Variants in SLCO3A1 observed in about 807,000 individuals in gnomAD.
SLCO3A1 encodes PGE1 transporter.
SLCO3A1 carries 27 observed loss-of-function variants against 63.1 expected under a neutral mutation model. That is an observed-to-expected ratio of 0.43 (90% CI 0.32 to 0.59). The LOEUF (loss-of-function observed/expected upper bound fraction) is 0.59, where lower values mean the gene tolerates loss of function less well. Ranked by LOEUF, SLCO3A1 falls within the 20% of genes least tolerant of loss-of-function variation. SLCO3A1 has a pLI of 0.09. For synonymous variants in SLCO3A1, 473 were observed against 409.9 expected (o/e 1.15, Z -1.86); for missense variants, 773 against 945.8 (o/e 0.82, Z 2.40).
Position 91,916,470 on chromosome 15 carries a change from C to T in SLCO3A1, c.646+12C>T, listed in dbSNP as rs761835511. 1.3e-6 allele frequency: 2 copies of T among 1,572,916 alleles called. No individual in the cohort carries two copies. Among genetic ancestry groups the T allele is most frequent in the Non-Finnish European group, 1.7e-6 (2 of 1,157,996 alleles). On this transcript the variant is annotated intron_variant, in intron 2 of 9. Transcript: ENST00000318445. The surrounding 1 kb of genome is among the most constrained non-coding windows in gnomAD (Gnocchi z 6.2). ...CTCGCTCTATATAGGTAGGAGCTGCCCCAGCCGTATTAGCAAGAGACCAGG... is the reference window on the plus strand; with the variant it reads ...CTCGCTCTATATAGGTAGGAGCTGCTCCAGCCGTATTAGCAAGAGACCAGG...
intron 2 of SLCO3A1, among the ~76,000 whole-genome samples, chr15:91,920,954 C>T (rs543939175): frequency 6.6e-6 from 1 of 152,238 alleles, no homozygotes; most frequent in East Asian, 1.9e-4. Flanking sequence ...AAGAGGGATG[C>T]CAAGGGCTGG....
At chr15:91,873,375 C>G (rs1316230957) in intron 1 of SLCO3A1, among the ~76,000 whole-genome samples, 2 of 152,132 alleles carry the variant, frequency 1.3e-5, no homozygotes, top group Non-Finnish European at 2.9e-5. Flanking sequence ...CCTGGGACAT[C>G]TGTGGGGCAA....
intron 2 of SLCO3A1, among the ~76,000 whole-genome samples, chr15:92,051,327 C>G (rs28631943): frequency 0.052 from 7,969 of 152,080 alleles, 551 homozygotes; most frequent in African/African-American, 0.16. Flanking sequence ...ATGTGTCACC[C>G]TTAGGGAACA....
intron 2 of SLCO3A1, among the ~76,000 whole-genome samples, chr15:92,059,836 T>C (rs1265235036): frequency 1.3e-5 from 2 of 152,232 alleles, no homozygotes; most frequent in African/African-American, 4.8e-5. Context: ...GGCTTAATGA[T>C]GAAGACACTT....
intron 1 of SLCO3A1, among the ~76,000 whole-genome samples, chr15:91,910,630 G>A (rs1361929798): frequency 1.3e-5 from 2 of 152,204 alleles, no homozygotes; most frequent in Non-Finnish European, 2.9e-5. Flanking sequence ...AGATTGACTT[G>A]ACCAAATGCT....
intron 7 of SLCO3A1, among the ~76,000 whole-genome samples, chr15:92,140,623 T>A (rs1459677797): frequency 6.6e-6 from 1 of 152,192 alleles, no homozygotes; most frequent in Non-Finnish European, 1.5e-5. Context: ...TAATTCTCTT[T>A]GTAGGTCACT....
intron 2 of SLCO3A1, among the ~76,000 whole-genome samples, chr15:92,030,578 T>A (rs918337677): frequency 1.3e-5 from 2 of 152,210 alleles, no homozygotes; most frequent in African/African-American, 4.8e-5. Flanking sequence ...TCCAGCTCAC[T>A]GAAGGGATAA....
chr15:91,871,765 GTT>G (rs33938693), intron 1 of SLCO3A1, among the ~76,000 whole-genome samples: 934 of 45,656 alleles, frequency 0.02, 24 homozygotes, highest in African/African-American at 0.08. Flanking sequence ...TTTTTTTTTG[GTT>G]TTTTTTTTTT....
At chr15:91,970,249 T>G (rs1222979161) in intron 2 of SLCO3A1, among the ~76,000 whole-genome samples, 1 of 152,188 alleles carries the variant, frequency 6.6e-6, no homozygotes, top group Non-Finnish European at 1.5e-5. Context: ...GTGTATTATT[T>G]AAAATCTGGC....
rs188508629 is a variant in SLCO3A1, at chr15:92,097,717, G to A, written c.745+2738G>A. Among the ~76,000 whole-genome samples, 30 of 152,208 alleles carry A rather than the reference G, an allele frequency of 2.0e-4. No homozygotes were observed. The East Asian group carries it at 4.2e-3, about 22-fold the overall frequency. Reference sequence around the variant, plus strand: ...ATTGTCAGTCACGGTCTTTGTTTGCGTCCTTCCCGGAGGCACCGTGAGGCA... The same window carrying A: ...ATTGTCAGTCACGGTCTTTGTTTGCATCCTTCCCGGAGGCACCGTGAGGCA... On this transcript the variant is annotated intron_variant, in intron 3 of 9. Coordinates refer to ENST00000318445, the MANE Select transcript of SLCO3A1 (RefSeq NM_013272.4).
At chr15:91,983,837 G>A (rs957165698) in intron 2 of SLCO3A1, among the ~76,000 whole-genome samples, 2 of 152,196 alleles carry the variant, frequency 1.3e-5, no homozygotes. Context: ...TCTAAGTCCA[G>A]TTAGAAGATA....
In SLCO3A1 at chr15:91,941,238, TCTC is replaced by T. The variant is rs1463019399; in HGVS notation, c.646+24783_646+24785del. 5.1e-6 allele frequency: 1 copy of T among 195,674 alleles called. No individual in the cohort carries two copies. Among genetic ancestry groups the T allele is most frequent in the Non-Finnish European group, 1.1e-5 (1 of 93,842 alleles). 12.1% of individuals were successfully genotyped at this position (195,674 alleles called of 1,614,324 possible). On this transcript the variant is annotated intron_variant, in intron 2 of 9. Coordinates refer to ENST00000318445, the MANE Select transcript of SLCO3A1 (RefSeq NM_013272.4). The surrounding 1 kb of genome is among the most constrained non-coding windows in gnomAD (Gnocchi z 4.4). ...TGGCCTGGCCGGAAGGTTGTAGTGT[TCTC>T]CTGAGAAGGGAATGTGAGCTGGTTT... is the stretch of plus-strand genomic sequence containing the variant.
intron 2 of SLCO3A1, among the ~76,000 whole-genome samples, chr15:92,058,898 C>T (rs2047053496): frequency 6.6e-6 from 1 of 152,218 alleles, no homozygotes; most frequent in African/African-American, 2.4e-5. Flanking sequence ...TGGCCTTCCC[C>T]TCTGTGCCTG....
intron 2 of SLCO3A1, among the ~76,000 whole-genome samples, chr15:91,988,173 C>T (rs935664797): frequency 6.6e-6 from 1 of 152,014 alleles, no homozygotes; most frequent in African/African-American, 2.4e-5. Context: ...CAGGCCAAGG[C>T]GGCTGGATCG....
chr15:92,147,143 G>A lies in SLCO3A1; in HGVS notation c.1672G>A (p.Val558Ile), dbSNP rs980758091. ...CGGTGCCATGGCACAGACACCCTCA[G>A]TCATCATCCTCATCAGGTAAGCCCT... ...LIGAMAQTPS[V>I]IILIRTVSPE... Residue 558 changes from valine (V) to isoleucine (I), a missense_variant, in exon 8 of 10, where the codon GTC becomes ATC. Coordinates refer to ENST00000318445, the MANE Select transcript of SLCO3A1 (RefSeq NM_013272.4). 5.0e-6 allele frequency: 8 copies of A among 1,612,262 alleles called. No individual in the cohort carries two copies. Among genetic ancestry groups the A allele is most frequent in the Non-Finnish European group, 6.8e-6 (8 of 1,179,620 alleles).
intron 2 of SLCO3A1, among the ~76,000 whole-genome samples, chr15:91,928,430 G>C (rs1425464519): frequency 2.6e-5 from 4 of 152,066 alleles, no homozygotes; most frequent in Non-Finnish European, 1.5e-5. Context: ...TGAGTGGCAC[G>C]GCCCAAGCTA....
At position 92,109,417 on chromosome 15, in the gene SLCO3A1, A is replaced by G. The variant is rs529125419; in HGVS notation, c.1009+4875A>G. Among the ~76,000 whole-genome samples, 18 of 152,328 alleles carry G rather than the reference A, an allele frequency of 1.2e-4. No homozygotes were observed. The South Asian group carries it at 3.5e-3, about 30-fold the overall frequency. ...CTGCAACAGCACAGGTGTCCCCTAA[A>G]AAGATGGGTCTTCCAGACACAGCTG... On this transcript the variant is annotated intron_variant, in intron 4 of 9. Coordinates refer to ENST00000318445, the MANE Select transcript of SLCO3A1 (RefSeq NM_013272.4).
intron 2 of SLCO3A1, among the ~76,000 whole-genome samples, chr15:92,074,503 A>T (rs1376992004): frequency 6.6e-6 from 1 of 152,232 alleles, no homozygotes; most frequent in East Asian, 1.9e-4. Context: ...GGACCTCACC[A>T]GGTGATCTGC....
chr15:91,997,702 G>A lies in SLCO3A1; in HGVS notation c.646+81244G>A, dbSNP rs556180600. 2.0e-4 allele frequency among the ~76,000 whole-genome samples: 31 copies of A among 152,204 alleles called. 1 individual carries two copies. In the East Asian group the frequency reaches 5.8e-3, roughly 28 times the overall value. On this transcript the variant is annotated intron_variant, in intron 2 of 9. Transcript: ENST00000318445. The stretch of plus-strand genomic sequence containing the variant: ...GCAGAATAGAGAACCAATAAATAAA[G>A]CTCCACACCTACAGCTCTCTGATCT...
Sources: allele counts gnomAD v4.1 joint callset (sites outside exome capture counted in the v4.1 genomes callset), GRCh38; gene constraint gnomAD v4.1.1; non-coding constraint Gnocchi (gnomAD v3.1); transcripts MANE v1.5; gene names NCBI Gene and HGNC (gene_info 2026-07-23, HGNC 2026-07-21).